The following EPB41L1 variants were observed in gnomAD, a reference collection of about 807,000 sequenced individuals.
EPB41L1 encodes the protein band 4.1-like protein 1.
Under a neutral mutation model 97.8 loss-of-function variants are expected in EPB41L1, and 29 were observed. The ratio of observed to expected loss-of-function variants is 0.30; its 90% CI spans 0.22 to 0.40. The LOEUF (loss-of-function observed/expected upper bound fraction) is 0.40. Among genes scored for constraint, EPB41L1 ranks in the 10% least tolerant of loss-of-function variants. The probability of loss-of-function intolerance (pLI) is 1.00; values close to 1 mark genes in which losing one functional copy is unlikely to be tolerated. For synonymous variants in EPB41L1, 383 were observed against 459.2 expected (o/e 0.83, Z 2.12); for missense variants, 812 against 1,162.3 (o/e 0.70, Z 4.38).
rs754163759 is a variant in EPB41L1, at chr20:36,209,764, G to T, written c.1945G>T (p.Asp649Tyr). 2 of 1,613,990 alleles carry T rather than the reference G, an allele frequency of 1.2e-6. No individual in the cohort carries two copies. The highest frequency in any genetic ancestry group is 1.7e-6 in the Non-Finnish European group (2 of 1,180,044). Residue 649 changes from aspartate to tyrosine, a missense_variant, in exon 15 of 22, where the codon GAC (aspartate) becomes TAC (tyrosine). This residue lies in a region of EPB41L1 where 498 missense variants were observed against 622.7 expected (regional missense o/e 0.80). Transcript: ENST00000338074. This position sits in a 1 kb window ranked among gnomAD's most constrained non-coding sequence, Gnocchi z 4.2. ...SLPELDRDKS[D>Y]SDTEGLLFSR... ...GCCTGAGCTCGACCGGGACAAAAGC[G>T]ACTCGGACACTGAGGGCCTGCTGTT...
Position 36,190,324 on chromosome 20 carries a change from G to T in EPB41L1, c.1074G>T (p.Arg358=). The change falls in exon 10 of 22, where the codon CGG becomes CGT. Residue 358 remains arginine (R), a synonymous_variant. Coordinates refer to ENST00000338074, the MANE Select transcript of EPB41L1 (RefSeq NM_012156.2). This position sits in a 1 kb window ranked among gnomAD's most constrained non-coding sequence, Gnocchi z 5.8. ...STIGFKLPNH[R]SAKRLWKVCI... is the part of the protein sequence containing the mutation. Reference sequence around the variant, plus strand: ...TTGGCTTTAAGCTCCCAAACCACCGGTCAGCCAAGAGACTGTGGAAGGTCT... The same window carrying T: ...TTGGCTTTAAGCTCCCAAACCACCGTTCAGCCAAGAGACTGTGGAAGGTCT... 1 of 1,614,196 alleles carries T rather than the reference G, an allele frequency of 6.2e-7. No homozygotes were observed. Among genetic ancestry groups the T allele is most frequent in the Non-Finnish European group, 8.5e-7 (1 of 1,180,038 alleles).
In EPB41L1 at chr20:36,219,724, C is replaced by T. The variant is rs116796367; in HGVS notation, c.2356-37C>T. ...ACCCCTCCAGAGCCCACTGTCCTTACCTGACACCCTGGGTGGGGGGTGGTT... is the reference window on the plus strand; with the variant it reads ...ACCCCTCCAGAGCCCACTGTCCTTATCTGACACCCTGGGTGGGGGGTGGTT... On this transcript the variant is annotated intron_variant, in intron 18 of 21. Coordinates refer to ENST00000338074, the MANE Select transcript of EPB41L1 (RefSeq NM_012156.2). The T allele has an allele frequency of 1.3e-4, 204 of 1,576,096 alleles. No homozygotes were observed. The African/African-American group carries it at 2.6e-3, about 20-fold the overall frequency.
At chr20:36,175,465 A>C in intron 2 of EPB41L1, 86 bp from the exon 3 acceptor site, 1 of 1,525,744 alleles carries the variant, frequency 6.6e-7, no homozygotes, top group Non-Finnish European at 9.1e-7. Context: ...TCTTGGCCCC[A>C]GATGCCTCTA....
chr20:36,188,199 G>A, intron 8 of EPB41L1, 148 bp from the exon 9 acceptor site: 3 of 1,002,108 alleles, frequency 3.0e-6, no homozygotes, highest in Non-Finnish European at 4.7e-6. Context: ...GGGAGGGATT[G>A]GTCAGTGGGA....
rs1164478927 is a variant in EPB41L1 at position 36,130,785 on chromosome 20, A to ATT, written c.-10+18307_-10+18308dup. Among the ~76,000 whole-genome samples, 26 of 139,048 alleles carry ATT rather than the reference A, an allele frequency of 1.9e-4. 2 individuals carry two copies. The highest frequency in any genetic ancestry group is 7.0e-4 in the African/African-American group (25 of 35,786). 91.2% of individuals were successfully genotyped at this position (139,048 alleles called of 152,430 possible). ...CTCTCTCTCTATTTGATTTTTAAAA[A>ATT]TTTCTCTCTCTCTCTCTCTCTCTCT... On this transcript the variant is annotated intron_variant, in intron 2 of 19. Transcript: ENST00000202028.
chr20:36,163,368 C>T (rs1378294832), intron 1 of EPB41L1, among the ~76,000 whole-genome samples: 1 of 152,126 alleles, frequency 6.6e-6, no homozygotes, highest in Non-Finnish European at 1.5e-5. Context: ...ATTCCATTTT[C>T]ACAGTAAGCC....
intron 2 of EPB41L1, among the ~76,000 whole-genome samples, chr20:36,136,301 G>T (rs1244473319): frequency 6.6e-6 from 1 of 150,938 alleles, no homozygotes; most frequent in Non-Finnish European, 1.5e-5. Context: ...CTCCTGAGTA[G>T]CTGGGACTAC....
intron 1 of EPB41L1, among the ~76,000 whole-genome samples, chr20:36,107,517 C>CTT (rs35325837): frequency 1.2e-3 from 155 of 132,342 alleles, no homozygotes; most frequent in Middle Eastern, 4.3e-3. Context: ...CCGTGCCCGG[C>CTT]TTTTTTTTTT....
upstream of EPB41L1, chr20:36,153,229 G>A: frequency 2.6e-6 from 1 of 382,702 alleles, no homozygotes. Flanking sequence ...TGCCTATGAG[G>A]ACCCAGGGTA....
chr20:36,199,683 T>A (rs143666734), intron 14 of EPB41L1, among the ~76,000 whole-genome samples: 1 of 152,318 alleles, frequency 6.6e-6, no homozygotes, highest in African/African-American at 2.4e-5. Context: ...GACCCTGGGC[T>A]GGGTGGCGGA....
At chr20:36,143,964 T>C in intron 2 of EPB41L1, among the ~76,000 whole-genome samples, 1 of 152,160 alleles carries the variant, frequency 6.6e-6, no homozygotes, top group East Asian at 1.9e-4. Context: ...GTGATTCTCC[T>C]GCCTCAGCCT....
At chr20:36,186,619 TC>T (rs2061692204) in intron 7 of EPB41L1, among the ~76,000 whole-genome samples, 1 of 152,156 alleles carries the variant, frequency 6.6e-6, no homozygotes, top group Non-Finnish European at 1.5e-5. Context: ...GTTAGCAATA[TC>T]CACCTGGGCA....
At chr20:36,111,078 G>A (rs2058385057) in intron 1 of EPB41L1, among the ~76,000 whole-genome samples, 1 of 152,146 alleles carries the variant, frequency 6.6e-6, no homozygotes, top group East Asian at 1.9e-4. Context: ...ACCTTGCTGA[G>A]CTGTTCACAG....
chr20:36,172,505 C>T (rs564464706), intron 1 of EPB41L1, among the ~76,000 whole-genome samples: 1 of 152,390 alleles, frequency 6.6e-6, no homozygotes, highest in East Asian at 1.9e-4. Flanking sequence ...TTCTGCCTTA[C>T]CAACCTCTCT....
At chr20:36,107,292 C>G (rs191605267) in intron 1 of EPB41L1, among the ~76,000 whole-genome samples, 64 of 147,512 alleles carry the variant, frequency 4.3e-4, no homozygotes, top group African/African-American at 1.6e-3. Flanking sequence ...ATGATCTCAG[C>G]TCACTGCAAC....
At chr20:36,196,868 C>T (rs1402336486) in intron 13 of EPB41L1, among the ~76,000 whole-genome samples, 1 of 152,252 alleles carries the variant, frequency 6.6e-6, no homozygotes, top group Non-Finnish European at 1.5e-5. Flanking sequence ...CTGCCAGCTC[C>T]TGCACAAAGC....
chr20:36,097,313 G>C (rs750366027), intron 1 of EPB41L1, among the ~76,000 whole-genome samples: 1 of 152,162 alleles, frequency 6.6e-6, no homozygotes, highest in East Asian at 1.9e-4. Flanking sequence ...TACTAGCTGG[G>C]GGGACTAGGG....
At chr20:36,193,489 A>G (rs1459341827) in intron 11 of EPB41L1, among the ~76,000 whole-genome samples, 1 of 152,122 alleles carries the variant, frequency 6.6e-6, no homozygotes, top group Non-Finnish European at 1.5e-5. Flanking sequence ...TTTTCAGCCT[A>G]TTTTCTACCA....
At chr20:36,216,395 C>T (rs1157793831) in intron 17 of EPB41L1, among the ~76,000 whole-genome samples, 7 of 151,870 alleles carry the variant, frequency 4.6e-5, no homozygotes, top group East Asian at 3.9e-4. Context: ...GAGGAGGAGT[C>T]GGGGGGGAAG....
Sources: gnomAD v4.1 joint callset for allele counts (sites outside exome capture counted in the v4.1 genomes callset) on GRCh38, gnomAD v4.1.1 for gene constraint, gnomAD v4.1.1 regional missense constraint, Gnocchi (gnomAD v3.1) non-coding constraint, MANE v1.5 for transcripts, NCBI Gene and HGNC (gene_info 2026-07-23, HGNC 2026-07-21) for gene names.